The following ROBO2 variants were observed in gnomAD, a reference collection of about 807,000 sequenced individuals.
ROBO2 encodes roundabout guidance receptor 2.
ROBO2 carries 53 observed loss-of-function variants against 160.8 expected under a neutral mutation model. The observed-to-expected ratio is 0.33, with a 90% CI of 0.26 to 0.41. The LOEUF (loss-of-function observed/expected upper bound fraction) is 0.41, where lower values mean the gene tolerates loss of function less well. Among genes scored for constraint, ROBO2 ranks in the 10% least tolerant of loss-of-function variants. The pLI is 1.00. For missense variants in ROBO2, 1,577 were observed against 1,722.4 expected, an observed-to-expected ratio of 0.92 and a Z score of 1.49; for synonymous variants, 664 against 611.7, an observed-to-expected ratio of 1.09 and a Z score of -1.26.
At chr3:77,104,984 T>G (rs1457696473) in intron 2 of ROBO2, among the ~76,000 whole-genome samples, 1 of 152,194 alleles carries the variant, frequency 6.6e-6, no homozygotes, top group African/African-American at 2.4e-5. Flanking sequence ...TCATTTTCTG[T>G]TCTGTTTGTA....
chr3:76,276,302 A>G (rs1441920258), intron 2 of ROBO2, among the ~76,000 whole-genome samples: 2 of 152,082 alleles, frequency 1.3e-5, no homozygotes, highest in African/African-American at 4.8e-5. Flanking sequence ...ATCAATGTCC[A>G]ATATGATAGA....
chr3:77,314,721 T>TTA (rs1421639521), intron 2 of ROBO2, among the ~76,000 whole-genome samples: 1 of 152,126 alleles, frequency 6.6e-6, no homozygotes, highest in East Asian at 1.9e-4. Context: ...TTTGACAAGA[T>TTA]TGTACACAAG....
intron 18 of ROBO2, among the ~76,000 whole-genome samples, chr3:77,595,768 A>C (rs2153687995): frequency 6.6e-6 from 1 of 152,304 alleles, no homozygotes; most frequent in South Asian, 2.1e-4. Context: ...GATTAAGTCT[A>C]ATGAGAGTTT....
chr3:77,634,525 G>A, intron 23 of ROBO2: 1 of 261,988 alleles, frequency 3.8e-6, no homozygotes, highest in South Asian at 4.8e-5. Context: ...AATAAAAACT[G>A]CATGAATTTG....
chr3:77,313,391 TCTAA>T (rs1451285714), intron 2 of ROBO2, among the ~76,000 whole-genome samples: 1 of 152,180 alleles, frequency 6.6e-6, no homozygotes, highest in Non-Finnish European at 1.5e-5. Flanking sequence ...GTATGGTCCT[TCTAA>T]CTATCTGAAA....
intron 2 of ROBO2, among the ~76,000 whole-genome samples, chr3:76,111,801 ACT>A (rs552241663): frequency 4.0e-4 from 58 of 146,452 alleles, no homozygotes; most frequent in South Asian, 2.0e-3. Flanking sequence ...GAGGGCAGCG[ACT>A]CTCTCTCTCT....
chr3:77,451,054 T>C (rs2081065368), intron 2 of ROBO2, among the ~76,000 whole-genome samples: 1 of 152,106 alleles, frequency 6.6e-6, no homozygotes, highest in Non-Finnish European at 1.5e-5. Flanking sequence ...GCTTTCCTGA[T>C]ACCACTTTTC....
intron 2 of ROBO2, among the ~76,000 whole-genome samples, chr3:77,009,945 TA>T (rs11436984): frequency 0.01 from 1,051 of 104,450 alleles, 10 homozygotes; most frequent in African/African-American, 0.034. Context: ...GACTCTGTCT[TA>T]AAAAAAAAAA....
At chr3:77,283,679 A>G (rs1237253087) in intron 2 of ROBO2, among the ~76,000 whole-genome samples, 7 of 152,192 alleles carry the variant, frequency 4.6e-5, no homozygotes, top group African/African-American at 7.2e-5. Flanking sequence ...TTTTCCCAGT[A>G]TAAGTTTTCA....
intron 2 of ROBO2, among the ~76,000 whole-genome samples, chr3:75,973,421 C>G (rs1271675567): frequency 6.6e-6 from 1 of 151,356 alleles, no homozygotes; most frequent in Non-Finnish European, 1.5e-5. Context: ...TATGGTTAAA[C>G]AATCATCTTA....
chr3:77,349,010 T>C (rs2153456773), intron 2 of ROBO2, among the ~76,000 whole-genome samples: 1 of 152,238 alleles, frequency 6.6e-6, no homozygotes, highest in African/African-American at 2.4e-5. Context: ...CACCTGAGGT[T>C]TTGTATTCCT....
intron 2 of ROBO2, among the ~76,000 whole-genome samples, chr3:76,394,555 T>G (rs2108677474): frequency 6.6e-6 from 1 of 152,204 alleles, no homozygotes; most frequent in South Asian, 2.1e-4. Flanking sequence ...CCCTTAACAT[T>G]TTTTCCTTCG....
At chr3:76,122,630 G>T (rs1464379331) in intron 2 of ROBO2, among the ~76,000 whole-genome samples, 1 of 152,000 alleles carries the variant, frequency 6.6e-6, no homozygotes, top group Non-Finnish European at 1.5e-5. Context: ...TTGGTAATTT[G>T]AAGTTTATTA....
chr3:76,777,486 A>T (rs936147991), intron 2 of ROBO2, among the ~76,000 whole-genome samples: 5 of 151,166 alleles, frequency 3.3e-5, no homozygotes, highest in Non-Finnish European at 5.9e-5. Context: ...ATTGAGCAGA[A>T]TTATAAAAGC....
intron 2 of ROBO2, among the ~76,000 whole-genome samples, chr3:77,247,592 G>A (rs1050883920): frequency 6.6e-6 from 1 of 152,112 alleles, no homozygotes; most frequent in African/African-American, 2.4e-5. Context: ...AAGAGTAATT[G>A]TATCAGTTAG....
chr3:77,597,012 T>C (rs1244913838), intron 19 of ROBO2, among the ~76,000 whole-genome samples: 1 of 152,098 alleles, frequency 6.6e-6, no homozygotes, highest in East Asian at 1.9e-4. Context: ...ATATATATGC[T>C]TTCAGGATTA....
intron 2 of ROBO2, among the ~76,000 whole-genome samples, chr3:77,227,832 A>G (rs985215652): frequency 1.3e-5 from 2 of 152,270 alleles, no homozygotes; most frequent in Non-Finnish European, 2.9e-5. Flanking sequence ...CAAGTCAGTC[A>G]AAATAGTGAA....
intron 2 of ROBO2, among the ~76,000 whole-genome samples, chr3:76,945,615 G>A (rs1262858619): frequency 6.6e-6 from 1 of 152,158 alleles, no homozygotes; most frequent in Non-Finnish European, 1.5e-5. Flanking sequence ...ACCGCTCACT[G>A]ATACAATTAG....
chr3:76,071,806 T>C (rs920132919), intron 2 of ROBO2, among the ~76,000 whole-genome samples: 4 of 151,936 alleles, frequency 2.6e-5, no homozygotes, highest in African/African-American at 9.7e-5. Context: ...ATCTTATTAT[T>C]ATTAATTAAA....
Sources: allele counts gnomAD v4.1 joint callset (sites outside exome capture counted in the v4.1 genomes callset), GRCh38; gene constraint gnomAD v4.1.1; transcripts MANE v1.5; gene names NCBI Gene and HGNC (gene_info 2026-07-23, HGNC 2026-07-21).